The following GABBR2 variants were observed in gnomAD, a reference collection of about 807,000 sequenced individuals.
The protein encoded by GABBR2 is G-protein coupled receptor 51.
Under a neutral mutation model 105.6 loss-of-function variants are expected in GABBR2, and 23 were observed. That is an observed-to-expected ratio of 0.22 (90% CI 0.16 to 0.31). GABBR2 has a LOEUF of 0.31. GABBR2 is among the 10% of genes least tolerant of loss of function. The pLI is 1.00. For synonymous variants in GABBR2, 478 were observed against 499.7 expected (o/e 0.96, Z 0.58); for missense variants, 734 against 1,245.5 (o/e 0.59, Z 6.18).
At chr9:98,457,318 A>G (rs1453378763) in intron 6 of GABBR2, among the ~76,000 whole-genome samples, 1 of 152,174 alleles carries the variant, frequency 6.6e-6, no homozygotes, top group Non-Finnish European at 1.5e-5. Flanking sequence ...AGCAGCCTTC[A>G]AGGTTTCTAT....
intron 1 of GABBR2, among the ~76,000 whole-genome samples, chr9:98,631,873 T>C (rs1239596547): frequency 2.0e-5 from 3 of 152,232 alleles, no homozygotes; most frequent in Non-Finnish European, 4.4e-5. Context: ...GCAAACTTGA[T>C]AATTTAGGCA....
intron 2 of GABBR2, among the ~76,000 whole-genome samples, chr9:98,545,618 T>C (rs1424989802): frequency 6.6e-6 from 1 of 152,186 alleles, no homozygotes; most frequent in Non-Finnish European, 1.5e-5. Context: ...ATTTAAAAAT[T>C]TTCCAGGTGA....
intron 3 of GABBR2, among the ~76,000 whole-genome samples, chr9:98,527,981 CAT>C (rs1827993286): frequency 6.6e-6 from 1 of 152,180 alleles, no homozygotes; most frequent in Non-Finnish European, 1.5e-5. Flanking sequence ...CCATCAGCCA[CAT>C]GTGATTATCA....
chr9:98,500,843 G>A (rs1274527195), intron 3 of GABBR2, among the ~76,000 whole-genome samples: 2 of 152,094 alleles, frequency 1.3e-5, no homozygotes, highest in Non-Finnish European at 2.9e-5. Context: ...CACCATCTGA[G>A]AACTTGCTAA....
At chr9:98,376,777 T>C (rs1831881726) in intron 11 of GABBR2, among the ~76,000 whole-genome samples, 1 of 152,076 alleles carries the variant, frequency 6.6e-6, no homozygotes, top group East Asian at 1.9e-4. Context: ...AGCAGAGCCT[T>C]TCTGGGGGAA....
chr9:98,398,540 C>A (rs1199386643), intron 8 of GABBR2, among the ~76,000 whole-genome samples: 1 of 152,156 alleles, frequency 6.6e-6, no homozygotes, highest in Non-Finnish European at 1.5e-5. Context: ...TCATTCCAAG[C>A]TAAAACCTGC....
intron 1 of GABBR2, chr9:98,607,549 C>A: frequency 1.6e-6 from 1 of 639,816 alleles, no homozygotes; most frequent in South Asian, 2.1e-5. Flanking sequence ...GATAAAGGAC[C>A]ATTTACCTGT....
chr9:98,627,386 A>C (rs1438615059), intron 1 of GABBR2, among the ~76,000 whole-genome samples: 1 of 152,188 alleles, frequency 6.6e-6, no homozygotes, highest in African/African-American at 2.4e-5. Context: ...CTACAGCTTC[A>C]AGGGTTGAGG....
chr9:98,373,558 G>A (rs1385543277), intron 11 of GABBR2, among the ~76,000 whole-genome samples: 2 of 152,160 alleles, frequency 1.3e-5, no homozygotes, highest in Non-Finnish European at 2.9e-5. Context: ...CTAGGAGCCG[G>A]ATGTCAAAGG....
At chr9:98,403,337 G>GGCCTTTATT (rs906639671) in intron 8 of GABBR2, among the ~76,000 whole-genome samples, 1 of 150,716 alleles carries the variant, frequency 6.6e-6, no homozygotes, top group African/African-American at 2.4e-5. Flanking sequence ...AGGAGCATCT[G>GGCCTTTATT]GCCTTTATTG....
rs144522589 is a variant in GABBR2 at position 98,414,008 on chromosome 9, T to C, written c.1237-7867A>G. ...ACGTGCATTCAATCAGCAAGTCCTGTTGGGCACCTATGATGTGCCAGACAG... is the reference window on the plus strand; with the variant it reads ...ACGTGCATTCAATCAGCAAGTCCTGCTGGGCACCTATGATGTGCCAGACAG... On this transcript the variant is annotated intron_variant, in intron 7 of 18. Coordinates refer to ENST00000259455, the MANE Select transcript of GABBR2 (RefSeq NM_005458.8). 1.4e-3 allele frequency among the ~76,000 whole-genome samples: 206 copies of C among 152,360 alleles called. 1 individual carries two copies. Among genetic ancestry groups the C allele is most frequent in the African/African-American group, 4.8e-3 (199 of 41,580 alleles).
chr9:98,383,788 A>C (rs1270232030), intron 11 of GABBR2, among the ~76,000 whole-genome samples: 1 of 152,132 alleles, frequency 6.6e-6, no homozygotes, highest in African/African-American at 2.4e-5. Context: ...AATCCCCTAG[A>C]CTGTAAGATC....
intron 1 of GABBR2, among the ~76,000 whole-genome samples, chr9:98,587,533 G>A (rs1252345431): frequency 2.0e-5 from 3 of 152,128 alleles, no homozygotes; most frequent in African/African-American, 4.8e-5. Flanking sequence ...GAATGGAGGA[G>A]GACTTGTGGT....
At chr9:98,506,326 T>C (rs1250295120) in intron 3 of GABBR2, among the ~76,000 whole-genome samples, 1 of 152,230 alleles carries the variant, frequency 6.6e-6, no homozygotes, top group East Asian at 1.9e-4. Context: ...TGGTTTGTTT[T>C]GATCTCAGGA....
intron 4 of GABBR2, among the ~76,000 whole-genome samples, chr9:98,484,862 G>T (rs561574998): frequency 6.6e-6 from 1 of 152,302 alleles, no homozygotes; most frequent in African/African-American, 2.4e-5. Flanking sequence ...TTTCCTGAAA[G>T]TCCAGAGAGT....
intron 12 of GABBR2, among the ~76,000 whole-genome samples, chr9:98,368,574 G>A (rs538253075): frequency 4.6e-5 from 7 of 152,284 alleles, no homozygotes; most frequent in East Asian, 1.9e-4. Flanking sequence ...AACTCCTGCC[G>A]TTTTCCCAAT....
chr9:98,624,496 T>C (rs557197594), intron 1 of GABBR2, among the ~76,000 whole-genome samples: 2 of 152,166 alleles, frequency 1.3e-5, no homozygotes, highest in African/African-American at 4.8e-5. Flanking sequence ...AGAAAAGAAA[T>C]GAGATGTTAA....
Position 98,513,427 on chromosome 9 carries a change from A to G in GABBR2, c.631-16913T>C, listed in dbSNP as rs368319198. Among the ~76,000 whole-genome samples the G allele has an allele frequency of 3.1e-4, 47 of 151,986 alleles. 2 individuals carry two copies. In the South Asian group the frequency reaches 7.3e-3, roughly 24 times the overall value. On this transcript the variant is annotated intron_variant, in intron 3 of 18. Transcript: ENST00000259455. Reference sequence around the variant, plus strand: ...AAATGGGATCTAATTAAACTAAAGAACTTCTGCACAGCAAAAGAAACTACC... The same window carrying G: ...AAATGGGATCTAATTAAACTAAAGAGCTTCTGCACAGCAAAAGAAACTACC...
At chr9:98,377,364 T>C (rs1282640988) in intron 11 of GABBR2, among the ~76,000 whole-genome samples, 1 of 152,128 alleles carries the variant, frequency 6.6e-6, no homozygotes, top group Non-Finnish European at 1.5e-5. Context: ...CTGTTGAGAA[T>C]TCTGTGGGCA....
Sources: gnomAD v4.1 joint callset for allele counts (sites outside exome capture counted in the v4.1 genomes callset) on GRCh38, gnomAD v4.1.1 for gene constraint, MANE v1.5 for transcripts, NCBI Gene and HGNC (gene_info 2026-07-23, HGNC 2026-07-21) for gene names.